MCF2L2: variants seen among roughly 807,000 people sequenced by gnomAD.
MCF2L2 encodes the protein probable guanine nucleotide exchange factor MCF2L2.
In MCF2L2, 102 loss-of-function variants were observed where a neutral mutation model predicts 150.2. That is an observed-to-expected ratio of 0.68 (90% confidence interval 0.58 to 0.80). The LOEUF (loss-of-function observed/expected upper bound fraction) is 0.80, where lower values mean the gene tolerates loss of function less well. Among genes scored for constraint, MCF2L2 ranks in the 30% least tolerant of loss-of-function variants. MCF2L2 has a pLI of 0.00. For synonymous variants in MCF2L2, 465 were observed against 491.3 expected (o/e 0.95, Z 0.71); for missense variants, 1,256 against 1,372.8 (o/e 0.91, Z 1.34).
chr3:183,428,287 C>G lies in MCF2L2; in HGVS notation c.-310G>C, dbSNP rs529242254. 1 of 328,562 alleles carries G rather than the reference C, an allele frequency of 3.0e-6. No homozygotes were observed. The highest frequency in any genetic ancestry group is 5.6e-6 in the Non-Finnish European group (1 of 179,274). The allele number at this position is 328,562 out of a possible 1,614,324, so 20.4% of individuals were successfully genotyped here. A position where few individuals can be genotyped will look rare whatever the true frequency, so the allele number is the denominator to read the frequency against. Reference sequence around the variant, plus strand: ...GGAACCGCGCCCCGGCTCCTCCGGCCGGGCGAGCTCCGGGGCTTCCAGAAT... The same window carrying G: ...GGAACCGCGCCCCGGCTCCTCCGGCGGGGCGAGCTCCGGGGCTTCCAGAAT... On this transcript the variant is annotated 5_prime_UTR_variant, in exon 1 of 30. Transcript: ENST00000328913. This position sits in a 1 kb window ranked among gnomAD's most constrained non-coding sequence, Gnocchi z 5.1.
intron 15 of MCF2L2, among the ~76,000 whole-genome samples, chr3:183,244,376 C>A (rs1224667836): frequency 6.6e-6 from 1 of 152,174 alleles, no homozygotes; most frequent in Non-Finnish European, 1.5e-5. Flanking sequence ...GCAGGCTGCA[C>A]TATCAGCTTC....
chr3:183,418,772 T>G (rs1454930863), intron 1 of MCF2L2, among the ~76,000 whole-genome samples: 1 of 152,254 alleles, frequency 6.6e-6, no homozygotes, highest in Non-Finnish European at 1.5e-5. Flanking sequence ...CTTGGGCATC[T>G]CTGCCCCTGT....
chr3:183,229,551 A>G, intron 17 of MCF2L2, 115 bp downstream of exon 17: 1 of 567,018 alleles, frequency 1.8e-6, no homozygotes, highest in South Asian at 2.4e-5. Flanking sequence ...ACTGACTCCA[A>G]ACCACTTGCT....
intron 5 of MCF2L2, among the ~76,000 whole-genome samples, chr3:183,330,312 CT>C (rs906270949): frequency 3.5e-5 from 5 of 143,604 alleles, no homozygotes; most frequent in African/African-American, 1.0e-4. Context: ...AAAGGAAAAA[CT>C]TTTTTTAAAA....
intron 15 of MCF2L2, among the ~76,000 whole-genome samples, chr3:183,252,268 T>C (rs1427536421): frequency 6.6e-6 from 1 of 152,176 alleles, no homozygotes; most frequent in East Asian, 1.9e-4. Flanking sequence ...ATTAGTGCTG[T>C]ATTAACAATG....
chr3:183,192,975 A>G (rs1721950201), intron 27 of MCF2L2, 24 bp downstream of exon 27: 1 of 1,584,486 alleles, frequency 6.3e-7, no homozygotes, highest in Non-Finnish European at 8.7e-7. Flanking sequence ...TCTGTGCTCC[A>G]CTCTCCCATG....
intron 18 of MCF2L2, 119 bp downstream of exon 18, chr3:183,228,178 G>T: frequency 1.4e-6 from 1 of 696,234 alleles, no homozygotes; most frequent in Non-Finnish European, 2.6e-6. Context: ...GTAAAGCTTG[G>T]AGTCGGAGGG....
At chr3:183,323,940 C>T (rs931032534) in intron 5 of MCF2L2, among the ~76,000 whole-genome samples, 1 of 152,140 alleles carries the variant, frequency 6.6e-6, no homozygotes, top group Non-Finnish European at 1.5e-5. Context: ...TCCAGGCTAC[C>T]TAGAAGTCAG....
At chr3:183,321,492 A>G (rs1729813651) in intron 6 of MCF2L2, among the ~76,000 whole-genome samples, 1 of 152,096 alleles carries the variant, frequency 6.6e-6, no homozygotes, top group Non-Finnish European at 1.5e-5. Context: ...TAGTAATAAC[A>G]AACTCTGAAA....
At chr3:183,195,391 T>C (rs899590744) in intron 25 of MCF2L2, 136 bp from the exon 26 acceptor site, 2 of 601,242 alleles carry the variant, frequency 3.3e-6, no homozygotes, top group Non-Finnish European at 5.7e-6. Context: ...TAGGTCTTGA[T>C]CATATTTTCC....
chr3:183,407,690 G>A (rs570447211), intron 1 of MCF2L2, among the ~76,000 whole-genome samples: 3 of 152,302 alleles, frequency 2.0e-5, no homozygotes, highest in Admixed American at 1.3e-4. Context: ...TATGAGGTTT[G>A]TGTAGTGGAA....
intron 1 of MCF2L2, among the ~76,000 whole-genome samples, chr3:183,416,204 T>A (rs1431895110): frequency 1.3e-5 from 2 of 152,176 alleles, no homozygotes; most frequent in Admixed American, 1.3e-4. Flanking sequence ...ACGTATGTTA[T>A]AAACCCAACA....
chr3:183,293,568 A>G (rs77297940), intron 13 of MCF2L2, among the ~76,000 whole-genome samples: 3,049 of 152,356 alleles, frequency 0.02, 60 homozygotes, highest in East Asian at 0.051. Context: ...GAAATAGAAG[A>G]GAATTCCCTC....
At chr3:183,395,917 C>CAAAAA (rs11338932) in intron 1 of MCF2L2, among the ~76,000 whole-genome samples, 39 of 57,952 alleles carry the variant, frequency 6.7e-4, no homozygotes, top group African/African-American at 1.1e-3. Flanking sequence ...GACATCGTCT[C>CAAAAA]AAAAAAAAAA....
Position 183,291,635 on chromosome 3 carries a change from C to T in MCF2L2, c.1676-2415G>A, listed in dbSNP as rs180967853. ...TGAAATACAATTGCTTATCTTGGCA[C>T]AGACTCAGTTACTAAGGAATCAGAC... is the stretch of plus-strand genomic sequence containing the variant. On this transcript the variant is annotated intron_variant, in intron 13 of 29. Coordinates refer to ENST00000328913, the MANE Select transcript of MCF2L2 (RefSeq NM_015078.4). Among the ~76,000 whole-genome samples, 547 of 152,320 alleles carry T rather than the reference C, an allele frequency of 3.6e-3. 6 individuals carry two copies. The highest frequency in any genetic ancestry group is 0.013 in the African/African-American group (521 of 41,568).
chr3:183,311,094 C>T (rs1187392404), intron 8 of MCF2L2, 65 bp from the exon 9 acceptor site: 1 of 951,904 alleles, frequency 1.1e-6, no homozygotes, highest in Non-Finnish European at 1.7e-6. Context: ...TCCATATAGG[C>T]CTATGGCTAG....
At chr3:183,183,738 T>C (rs1190178093) in intron 27 of MCF2L2, among the ~76,000 whole-genome samples, 1 of 152,198 alleles carries the variant, frequency 6.6e-6, no homozygotes. Flanking sequence ...GTTATGATTA[T>C]TGTGTATAGC....
At position 183,244,529 on chromosome 3, in the gene MCF2L2, T is replaced by C. The variant is rs1446452898; in HGVS notation, c.1863-13512A>G. On this transcript the variant is annotated intron_variant, in intron 15 of 29. Transcript: ENST00000328913. Reference sequence around the variant, plus strand: ...TCATATATTCATCTATCCTATTAGTTCTGTACCTTTAGAGAACACTGACTA... The same window carrying C: ...TCATATATTCATCTATCCTATTAGTCCTGTACCTTTAGAGAACACTGACTA... 2.0e-5 allele frequency among the ~76,000 whole-genome samples: 3 copies of C among 152,168 alleles called. No homozygotes were observed. In the East Asian group the frequency reaches 5.8e-4, roughly 29 times the overall value.
At chr3:183,313,700 C>G (rs991526566) in intron 7 of MCF2L2, among the ~76,000 whole-genome samples, 1 of 152,204 alleles carries the variant, frequency 6.6e-6, no homozygotes, top group Admixed American at 6.5e-5. Flanking sequence ...TGCCCGCACT[C>G]AGGCTGGAGG....
Sources: allele counts gnomAD v4.1 joint callset (sites outside exome capture counted in the v4.1 genomes callset), GRCh38; gene constraint gnomAD v4.1.1; non-coding constraint Gnocchi (gnomAD v3.1); transcripts MANE v1.5; gene names NCBI Gene and HGNC (gene_info 2026-07-23, HGNC 2026-07-21).